The following PDE5A variants were observed in gnomAD, a reference collection of about 807,000 sequenced individuals.
PDE5A encodes the protein cGMP-specific 3',5'-cyclic phosphodiesterase.
Under a neutral mutation model 110.2 loss-of-function variants are expected in PDE5A, and 67 were observed. The observed-to-expected ratio is 0.61, with a 90% CI of 0.50 to 0.75. The LOEUF is 0.75. PDE5A is among the 30% of genes least tolerant of loss of function. PDE5A has a pLI of 0.00. For missense variants in PDE5A, 862 were observed against 1,045.1 expected (o/e 0.82, Z 2.42); for synonymous variants, 328 against 351.2 (o/e 0.93, Z 0.74).
intron 1 of PDE5A, among the ~76,000 whole-genome samples, chr4:119,612,424 T>C (rs1311078026): frequency 6.6e-6 from 1 of 152,208 alleles, no homozygotes; most frequent in East Asian, 1.9e-4. Context: ...GCTCCTGCTC[T>C]TGCTATAACT....
In PDE5A at chr4:119,525,364, A is replaced by G. The variant is rs1726274896; in HGVS notation, c.1779+185T>C. On this transcript the variant is annotated intron_variant, in intron 12 of 20. Coordinates refer to ENST00000354960, the MANE Select transcript of PDE5A (RefSeq NM_001083.4). This position sits in a 1 kb window ranked among gnomAD's most constrained non-coding sequence, Gnocchi z 4.3. Reference sequence around the variant, plus strand: ...GATACTTGATACATGCTAGGAGCCCATTAAATGTCTTTTTGATAATGATAA... The same window carrying G: ...GATACTTGATACATGCTAGGAGCCCGTTAAATGTCTTTTTGATAATGATAA... Among the ~76,000 whole-genome samples, 1 of 152,104 alleles carries G rather than the reference A, an allele frequency of 6.6e-6. No individual in the cohort carries two copies.
Position 119,495,345 on chromosome 4 carries a change from C to T in PDE5A, c.*3256G>A, listed in dbSNP as rs199843516. ...AAGGTGGGTCAGTGTATTTCTGATA[C>T]AAAACAATTAAATTGTGCCACCTTA... is the stretch of plus-strand genomic sequence containing the variant. On this transcript the variant is annotated 3_prime_UTR_variant, in exon 21 of 21. Transcript: ENST00000354960. The T allele has an allele frequency of 6.6e-6, 1 of 152,032 alleles. No homozygotes were observed. Among genetic ancestry groups the T allele is most frequent in the Non-Finnish European group, 1.5e-5 (1 of 68,012 alleles). The allele number at this position is 152,032 out of a possible 1,614,324, so 9.4% of individuals were successfully genotyped here. A position where few individuals can be genotyped will look rare whatever the true frequency, so the allele number is the denominator to read the frequency against.
intron 9 of PDE5A, among the ~76,000 whole-genome samples, chr4:119,544,641 G>C (rs1398116694): frequency 1.3e-5 from 2 of 152,102 alleles, no homozygotes; most frequent in Admixed American, 1.3e-4. Context: ...TCTCCTACTT[G>C]ATAGCCTTTT....
At chr4:119,570,452 C>G (rs1728101137) in intron 3 of PDE5A, among the ~76,000 whole-genome samples, 1 of 152,186 alleles carries the variant, frequency 6.6e-6, no homozygotes, top group African/African-American at 2.4e-5. Flanking sequence ...CACGCTATTT[C>G]TGTAAAAGCG....
At chr4:119,535,396 G>A (rs1464989791) in intron 11 of PDE5A, among the ~76,000 whole-genome samples, 4 of 152,020 alleles carry the variant, frequency 2.6e-5, no homozygotes, top group Non-Finnish European at 2.9e-5. Flanking sequence ...CTTCCAAGAA[G>A]GTTTGCATCT....
At chr4:119,520,838 T>A in intron 13 of PDE5A, 97 bp downstream of exon 13, 1 of 1,008,476 alleles carries the variant, frequency 9.9e-7, no homozygotes, top group Non-Finnish European at 1.4e-6. Context: ...TTATTTTAAA[T>A]CATTGTGCAC....
intron 1 of PDE5A, among the ~76,000 whole-genome samples, chr4:119,609,040 T>C (rs2110551604): frequency 6.6e-6 from 1 of 152,146 alleles, no homozygotes. Flanking sequence ...CGGGCGCCTG[T>C]AGTCCCAGCT....
chr4:119,606,847 G>A lies in PDE5A; in HGVS notation c.603C>T (p.Ile201=). The part of the protein sequence containing the change: ...CEDSSNDKFL[I]SRLFDVAEGS... ...CTTCAGCAACATCAAAGAGGCGGCT[G>A]ATAAGAAACTTGTCATTGGAGCTGT... The change falls in exon 2 of 21, where the codon ATC becomes ATT. Residue 201 remains isoleucine (I), a synonymous_variant. Transcript: ENST00000354960. 1.9e-6 allele frequency: 3 copies of A among 1,614,194 alleles called. No homozygotes were observed. The highest frequency in any genetic ancestry group is 2.5e-6 in the Non-Finnish European group (3 of 1,180,034).
intron 3 of PDE5A, among the ~76,000 whole-genome samples, chr4:119,585,050 C>T (rs944017427): frequency 1.1e-4 from 17 of 152,138 alleles, no homozygotes; most frequent in African/African-American, 3.4e-4. Flanking sequence ...CCGAGGTGGG[C>T]GGATCACAAG....
chr4:119,555,875 T>C (rs1727518016), intron 7 of PDE5A, among the ~76,000 whole-genome samples: 1 of 152,212 alleles, frequency 6.6e-6, no homozygotes, highest in South Asian at 2.1e-4. Flanking sequence ...GAGCATTAGA[T>C]TTATTAAAGT....
At chr4:119,600,916 T>G (rs377243202) in intron 2 of PDE5A, among the ~76,000 whole-genome samples, 4 of 152,284 alleles carry the variant, frequency 2.6e-5, no homozygotes, top group African/African-American at 9.6e-5. Flanking sequence ...TGGAGAAACC[T>G]GGTAGATATC....
At position 119,607,131 on chromosome 4, in the gene PDE5A, C is replaced by T; in HGVS notation, c.319G>A (p.Asp107Asn). ...PTRKISASEFDRPLRPIVVKD... is the reference protein window; with the variant it reads ...PTRKISASEFNRPLRPIVVKD... ...ACAACAATGGGTCTAAGAGGCCGGT[C>T]AAATTCAGAGGCAGAGATTTTCCTG... Residue 107 changes from aspartate to asparagine, a missense_variant, in exon 2 of 21, where the codon GAC becomes AAC. Asp to Asn is a conservative substitution (Grantham distance 23, BLOSUM62 1). Transcript: ENST00000354960. 6.2e-7 allele frequency: 1 copy of T among 1,614,158 alleles called. No individual in the cohort carries two copies. The highest frequency in any genetic ancestry group is 8.5e-7 in the Non-Finnish European group (1 of 1,180,036).
intron 3 of PDE5A, among the ~76,000 whole-genome samples, chr4:119,595,533 G>C (rs1456621574): frequency 6.6e-6 from 1 of 152,114 alleles, no homozygotes; most frequent in Non-Finnish European, 1.5e-5. Flanking sequence ...TCCACTAAGG[G>C]CCCAAACAGA....
At chr4:119,625,033 T>C (rs999524469) in intron 1 of PDE5A, among the ~76,000 whole-genome samples, 1 of 150,292 alleles carries the variant, frequency 6.7e-6, no homozygotes, top group Non-Finnish European at 1.5e-5. Flanking sequence ...TTTTTTGAGA[T>C]GGAGTCTCAC....
chr4:119,569,743 A>G (rs1728078633), intron 3 of PDE5A: 1 of 152,668 alleles, frequency 6.6e-6, no homozygotes. Flanking sequence ...TCCTCTGTTT[A>G]TAACACATGG....
chr4:119,605,819 C>T (rs749417781), intron 2 of PDE5A, among the ~76,000 whole-genome samples: 4 of 152,122 alleles, frequency 2.6e-5, no homozygotes, highest in Non-Finnish European at 5.9e-5. Context: ...ATGTGCCAGG[C>T]ACTATAAGGC....
intron 2 of PDE5A, among the ~76,000 whole-genome samples, chr4:119,601,089 G>GTGA (rs1729327889): frequency 6.6e-6 from 1 of 152,112 alleles, no homozygotes; most frequent in African/African-American, 2.4e-5. Context: ...GATTTCTTGA[G>GTGA]TGATACTAGT....
At chr4:119,543,071 C>CACACACACAG in intron 9 of PDE5A, 1 of 156,616 alleles carries the variant, frequency 6.4e-6, no homozygotes, top group Admixed American at 6.3e-5. Flanking sequence ...CACACACACA[C>CACACACACAG]ACACACACAC....
intron 20 of PDE5A, among the ~76,000 whole-genome samples, chr4:119,500,558 C>CAAAT (rs1164521714): frequency 2.0e-5 from 3 of 151,904 alleles, no homozygotes; most frequent in Non-Finnish European, 4.4e-5. Flanking sequence ...GTTCTTTTTC[C>CAAAT]AAATAATTAA....
Sources: gnomAD v4.1 joint callset for allele counts (sites outside exome capture counted in the v4.1 genomes callset) on GRCh38, gnomAD v4.1.1 for gene constraint, Gnocchi (gnomAD v3.1) non-coding constraint, MANE v1.5 for transcripts, NCBI Gene and HGNC (gene_info 2026-07-23, HGNC 2026-07-21) for gene names.